FBP2: variants seen among roughly 807,000 people sequenced by gnomAD.
FBP2 encodes the protein fructose-1,6-bisphosphatase isozyme 2.
FBP2 carries 27 observed loss-of-function variants against 31.6 expected under a neutral mutation model. That is an observed-to-expected ratio of 0.85 (90% CI 0.63 to 1.18). FBP2 has a LOEUF of 1.18. Among genes scored for constraint, FBP2 ranks in the 50% most tolerant of loss-of-function variants. FBP2 has a pLI of 0.00. For missense variants in FBP2, 421 were observed against 436.1 expected (o/e 0.97, Z 0.31); for synonymous variants, 168 against 179.8 (o/e 0.93, Z 0.53).
chr9:94,577,042 T>A (rs1266866333), intron 3 of FBP2, among the ~76,000 whole-genome samples: 1 of 152,122 alleles, frequency 6.6e-6, no homozygotes, highest in African/African-American at 2.4e-5. Flanking sequence ...CACAGCTCCC[T>A]CTGGCTAGAA....
chr9:94,567,710 T>C (rs1417325771), intron 4 of FBP2: 13 of 318,364 alleles, frequency 4.1e-5, no homozygotes, highest in Non-Finnish European at 7.6e-5. Context: ...TCCTCATTTA[T>C]GGTGAACCCA....
intron 5 of FBP2, 85 bp from the exon 6 acceptor site, chr9:94,563,546 T>C: frequency 6.7e-7 from 1 of 1,488,240 alleles, no homozygotes; most frequent in Non-Finnish European, 9.2e-7. Flanking sequence ...CCAGTTGGTG[T>C]GACCTCTGCC....
intron 3 of FBP2, among the ~76,000 whole-genome samples, chr9:94,572,335 G>A (rs901046389): frequency 4.0e-5 from 6 of 151,546 alleles, no homozygotes; most frequent in East Asian, 2.0e-4. Flanking sequence ...ACACACACAC[G>A]CACACTTATT....
At position 94,571,581 on chromosome 9, in the gene FBP2, C is replaced by T; in HGVS notation, c.448G>A (p.Glu150Lys). 1 of 1,613,558 alleles carries T rather than the reference C, an allele frequency of 6.2e-7. No individual in the cohort carries two copies. The highest frequency in any genetic ancestry group is 8.5e-7 in the Non-Finnish European group (1 of 1,179,670). Reference protein sequence around the residue: ...YRKTSEDEPSEKDALQCGRNI... With the variant: ...YRKTSEDEPSKKDALQCGRNI... The stretch of plus-strand genomic sequence containing the variant: ...CGGCCACACTGCAGGGCATCCTTTT[C>T]AGAAGGCTCATCCTCTGAGGTCTGT... The change falls in exon 4 of 7, where the codon GAA becomes AAA. Residue 150 changes from glutamate to lysine, a missense_variant. Coordinates refer to ENST00000375337, the MANE Select transcript of FBP2 (RefSeq NM_003837.4).
chr9:94,566,547 A>T (rs1827192581), intron 5 of FBP2, among the ~76,000 whole-genome samples: 1 of 152,222 alleles, frequency 6.6e-6, no homozygotes, highest in Non-Finnish European at 1.5e-5. Flanking sequence ...TGCTGTTAAT[A>T]AATAGGTGGG....
chr9:94,561,350 GTATTTT>G (rs1827097311), intron 6 of FBP2, among the ~76,000 whole-genome samples: 3 of 59,796 alleles, frequency 5.0e-5, no homozygotes, highest in African/African-American at 1.5e-4. Flanking sequence ...CATGTGACCT[GTATTTT>G]TTTTTTTTTT....
At chr9:94,567,437 AAGAG>A (rs1412645345) in intron 4 of FBP2, 30 bp from the exon 5 acceptor site, 1 of 1,583,188 alleles carries the variant, frequency 6.3e-7, no homozygotes, top group Middle Eastern at 1.7e-4. Context: ...TGCCAGGAAG[AAGAG>A]AGAAGCCAGG....
intron 4 of FBP2, chr9:94,570,074 A>C (rs942735202): frequency 6.6e-6 from 1 of 152,196 alleles, no homozygotes; most frequent in Non-Finnish European, 1.5e-5. Flanking sequence ...GAAAGATGCT[A>C]TGGTTCATCT....
At chr9:94,590,158 C>G (rs531237611) in intron 1 of FBP2, among the ~76,000 whole-genome samples, 1 of 152,136 alleles carries the variant, frequency 6.6e-6, no homozygotes, top group Non-Finnish European at 1.5e-5. Context: ...TGTGAGTTCC[C>G]GGCAATAGCT....
At position 94,567,354 on chromosome 9, in the gene FBP2, T is replaced by G; in HGVS notation, c.621A>C (p.Gly207=). 6.2e-7 allele frequency: 1 copy of G among 1,614,176 alleles called. No homozygotes were observed. The highest frequency in any genetic ancestry group is 8.5e-7 in the Non-Finnish European group (1 of 1,180,026). The change falls in exon 5 of 7, where the codon GGA becomes GGC. Residue 207 remains glycine, a synonymous_variant. Coordinates refer to ENST00000375337, the MANE Select transcript of FBP2 (RefSeq NM_003837.4). ...AGCCCTCATTCAGGCTGTAAATCTT[T>G]CCTTTCTTCTTAATCTTGACATCTT... ...VEKDVKIKKK[G]KIYSLNEGYA...
At chr9:94,589,007 G>A (rs367673983) in intron 1 of FBP2, among the ~76,000 whole-genome samples, 50 of 152,308 alleles carry the variant, frequency 3.3e-4, no homozygotes, top group African/African-American at 1.2e-3. Flanking sequence ...TCTCAGTAGT[G>A]CCTTCTCTGG....
At chr9:94,563,536 C>G in intron 5 of FBP2, 75 bp from the exon 6 acceptor site, 1 of 1,542,556 alleles carries the variant, frequency 6.5e-7, no homozygotes, top group Non-Finnish European at 8.8e-7. Context: ...GGTCACAAGT[C>G]CAGTTGGTGT....
At chr9:94,568,277 G>C (rs1157354415) in intron 4 of FBP2, 3 of 152,178 alleles carry the variant, frequency 2.0e-5, no homozygotes, top group Non-Finnish European at 2.9e-5. Flanking sequence ...TAAGGAAAAA[G>C]TTGGTAAAAT....
At chr9:94,562,309 CAAAAA>C (rs397893359) in intron 6 of FBP2, among the ~76,000 whole-genome samples, 2 of 72,126 alleles carry the variant, frequency 2.8e-5, no homozygotes, top group East Asian at 4.4e-4. Context: ...GACTCCATCT[CAAAAA>C]AAAAAAAAAA....
intron 1 of FBP2, among the ~76,000 whole-genome samples, chr9:94,590,877 C>T (rs1827490979): frequency 2.0e-5 from 3 of 152,174 alleles, no homozygotes; most frequent in African/African-American, 4.8e-5. Context: ...AGGTTCTCCA[C>T]GTCCCCATCA....
chr9:94,578,979 G>A (rs1244124777), intron 3 of FBP2, among the ~76,000 whole-genome samples: 32 of 144,510 alleles, frequency 2.2e-4, no homozygotes, highest in African/African-American at 7.8e-4. Flanking sequence ...CGTGAACCCG[G>A]AAGGCGGAGC....
At chr9:94,579,397 CA>C (rs35098649) in intron 3 of FBP2, among the ~76,000 whole-genome samples, 742 of 66,742 alleles carry the variant, frequency 0.011, 6 homozygotes, top group African/African-American at 0.041. Flanking sequence ...GACTCTGTCT[CA>C]AAAAAAAAAA....
chr9:94,563,329 A>G lies in FBP2; in HGVS notation c.825+13T>C, dbSNP rs1827136977. On this transcript the variant is annotated intron_variant, in intron 6 of 6. Transcript: ENST00000375337. ...CTGACCGGATGCACAGCCAGTGGACAAGGGAGAATTACCTTGCCCTTAGGG... is the reference window on the plus strand; with the variant it reads ...CTGACCGGATGCACAGCCAGTGGACGAGGGAGAATTACCTTGCCCTTAGGG... The G allele has an allele frequency of 8.1e-6, 13 of 1,613,312 alleles. No individual in the cohort carries two copies. The highest frequency in any genetic ancestry group is 1.1e-5 in the Non-Finnish European group (13 of 1,179,586).
intron 2 of FBP2, 59 bp from the exon 3 acceptor site, chr9:94,584,728 C>G (rs1239445897): frequency 1.4e-5 from 15 of 1,043,948 alleles, no homozygotes; most frequent in Non-Finnish European, 2.1e-5. Flanking sequence ...CACAATTGCT[C>G]TGTGTCAGGG....
Sources: allele counts gnomAD v4.1 joint callset (sites outside exome capture counted in the v4.1 genomes callset), GRCh38; gene constraint gnomAD v4.1.1; transcripts MANE v1.5; gene names NCBI Gene and HGNC (gene_info 2026-07-23, HGNC 2026-07-21).